The following PHF19 variants were observed in gnomAD, a reference collection of about 807,000 sequenced individuals.
The protein encoded by PHF19 is polycomb like 3.
A neutral mutation model predicts 79.8 loss-of-function variants in PHF19; 21 were observed. That is an observed-to-expected ratio of 0.26 (90% CI 0.19 to 0.38). The LOEUF (loss-of-function observed/expected upper bound fraction) is 0.38. Among genes scored for constraint, PHF19 ranks in the 10% least tolerant of loss-of-function variants. The probability of loss-of-function intolerance (pLI) is 1.00; values close to 1 mark genes in which losing one functional copy is unlikely to be tolerated. For missense variants in PHF19, 445 were observed against 744.2 expected (o/e 0.60, Z 4.68); for synonymous variants, 273 against 296.3 (o/e 0.92, Z 0.81).
At position 120,857,165 on chromosome 9, in the gene PHF19, G is replaced by C. The variant is rs559315528; in HGVS notation, c.*779C>G. The C allele has an allele frequency of 1.4e-5, 2 of 141,216 alleles. No homozygotes were observed. The highest frequency in any genetic ancestry group is 7.6e-5 in the Admixed American group (1 of 13,238). The allele number at this position is 141,216 out of a possible 1,614,324, so 8.7% of individuals were successfully genotyped here. A position where few individuals can be genotyped will look rare whatever the true frequency, so the allele number is the denominator to read the frequency against. Reference sequence around the variant, plus strand: ...CCACCCCCGTCCCCCAGGTTTGGAAGGATGCCTCCATTCCAGCAAGGCCAG... The same window carrying C: ...CCACCCCCGTCCCCCAGGTTTGGAACGATGCCTCCATTCCAGCAAGGCCAG... On this transcript the variant is annotated 3_prime_UTR_variant, in exon 15 of 15. Coordinates refer to ENST00000373896, the MANE Select transcript of PHF19 (RefSeq NM_015651.3).
At chr9:120,875,430 CTCT>C (rs2046018710) in intron 1 of PHF19, among the ~76,000 whole-genome samples, 1 of 152,194 alleles carries the variant, frequency 6.6e-6, no homozygotes, top group Non-Finnish European at 1.5e-5. Flanking sequence ...CCACGCCTGT[CTCT>C]CACCATCCTA....
chr9:120,879,993 T>C (rs1234394316), upstream of PHF19, among the ~76,000 whole-genome samples: 2 of 149,244 alleles, frequency 1.3e-5, no homozygotes, highest in African/African-American at 4.9e-5. Flanking sequence ...GAGTCGAGTC[T>C]GTCAATATAG....
At chr9:120,864,376 G>A (rs2045632301) in intron 9 of PHF19, among the ~76,000 whole-genome samples, 1 of 152,078 alleles carries the variant, frequency 6.6e-6, no homozygotes, top group African/African-American at 2.4e-5. Context: ...GCTACTCCAT[G>A]GAATCTATCA....
Position 120,865,843 on chromosome 9 carries a change from G to A in PHF19, c.780-13C>T. On this transcript the variant is annotated splice_polypyrimidine_tract_variant and intron_variant, in intron 8 of 14. Coordinates refer to ENST00000373896, the MANE Select transcript of PHF19 (RefSeq NM_015651.3). ...AACCACATCCACCCTGGGCAAGGGG[G>A]CAAGGAGGTGGGACCAGGTGAGGTG... 1 of 1,614,076 alleles carries A rather than the reference G, an allele frequency of 6.2e-7. No individual in the cohort carries two copies. The highest frequency in any genetic ancestry group is 1.3e-5 in the African/African-American group (1 of 75,026).
intron 3 of PHF19, among the ~76,000 whole-genome samples, chr9:120,871,338 A>G (rs1180907369): frequency 1.3e-5 from 2 of 152,186 alleles, no homozygotes; most frequent in African/African-American, 4.8e-5. Flanking sequence ...GTTTTTCCAT[A>G]AATATTTCAG....
upstream of PHF19, among the ~76,000 whole-genome samples, chr9:120,879,048 T>C (rs2131579265): frequency 9.9e-6 from 1 of 101,074 alleles, no homozygotes; most frequent in South Asian, 4.6e-4. Context: ...AGCCTGAGTG[T>C]GTCACTTCTT....
chr9:120,885,582 A>C (rs1389559267), intron 1 of PHF19, among the ~76,000 whole-genome samples: 2 of 15,630 alleles, frequency 1.3e-4, no homozygotes, highest in Non-Finnish European at 2.3e-4. Flanking sequence ...TATCTTGGAA[A>C]AAAAAAAAAA....
At chr9:120,873,015 C>G (rs2131554869) in intron 3 of PHF19, among the ~76,000 whole-genome samples, 1 of 152,310 alleles carries the variant, frequency 6.6e-6, no homozygotes. Flanking sequence ...CCCAACCACC[C>G]TATGAAGCCA....
chr9:120,892,546 A>G (rs761191614), intron 1 of PHF19, among the ~76,000 whole-genome samples: 4 of 152,144 alleles, frequency 2.6e-5, no homozygotes, highest in Non-Finnish European at 5.9e-5. Flanking sequence ...TCTTATGGAC[A>G]CTGAATTGCG....
intron 1 of PHF19, among the ~76,000 whole-genome samples, chr9:120,892,820 A>C (rs2131600638): frequency 6.6e-6 from 1 of 152,374 alleles, no homozygotes; most frequent in East Asian, 1.9e-4. Flanking sequence ...AGTGCTGAAA[A>C]AAAGGGTTAT....
At position 120,862,434 on chromosome 9, in the gene PHF19, GGGGATCT is replaced by G. The variant is rs1331075394; in HGVS notation, c.1130+147_1130+153del. Among the ~76,000 whole-genome samples the G allele has an allele frequency of 2.6e-5, 4 of 152,210 alleles. No individual in the cohort carries two copies. Among genetic ancestry groups the G allele is most frequent in the African/African-American group, 9.6e-5 (4 of 41,452 alleles). The stretch of plus-strand genomic sequence containing the variant: ...GGGGGCTGTGGTGGTGAAAGGAGTT[GGGGATCT>G]GGGATCTGGGATCCCGCTCAGCCAC... On this transcript the variant is annotated intron_variant, in intron 11 of 14. Coordinates refer to ENST00000373896, the MANE Select transcript of PHF19 (RefSeq NM_015651.3). This position sits in a 1 kb window ranked among gnomAD's most constrained non-coding sequence, Gnocchi z 4.6.
chr9:120,900,283 G>A, the PHF19 span, among the ~76,000 whole-genome samples: 12 of 152,212 alleles, frequency 7.9e-5, no homozygotes, highest in African/African-American at 2.9e-4. Context: ...CACCGCACCC[G>A]GCCTTGACTT....
chr9:120,882,457 C>G (rs2046200317), intron 1 of PHF19, among the ~76,000 whole-genome samples: 1 of 152,140 alleles, frequency 6.6e-6, no homozygotes, highest in Non-Finnish European at 1.5e-5. Context: ...ATGACAAATT[C>G]ACTTACTTAA....
intron 3 of PHF19, among the ~76,000 whole-genome samples, chr9:120,871,043 C>G (rs902573252): frequency 2.0e-5 from 3 of 152,202 alleles, no homozygotes; most frequent in Non-Finnish European, 4.4e-5. Flanking sequence ...GCTGAGATTG[C>G]AGGTGCATGC....
upstream of PHF19, among the ~76,000 whole-genome samples, chr9:120,878,574 C>A (rs775669474): frequency 1.3e-5 from 2 of 152,210 alleles, no homozygotes; most frequent in Non-Finnish European, 2.9e-5. Context: ...CCCTCTGCCT[C>A]CTGGCCTTGG....
intron 3 of PHF19, among the ~76,000 whole-genome samples, chr9:120,872,059 A>AAAAAAAAAAG (rs1175336454): frequency 6.7e-6 from 1 of 149,014 alleles, no homozygotes. Context: ...AAAAAAAAAA[A>AAAAAAAAAAG]AAAAAAAAAG....
In PHF19 at chr9:120,873,959, G is replaced by A. The variant is rs753541105; in HGVS notation, c.268+20C>T. The A allele has an allele frequency of 2.5e-5, 34 of 1,385,414 alleles. No homozygotes were observed. Among genetic ancestry groups the A allele is most frequent in the Non-Finnish European group, 3.3e-5 (32 of 974,186 alleles). The allele number at this position is 1,385,414 out of a possible 1,614,324, so 85.8% of individuals were successfully genotyped here. A position where few individuals can be genotyped will look rare whatever the true frequency, so the allele number is the denominator to read the frequency against. ...GACCTGGGGAGGTTGGGGGCTACCC[G>A]AAATGTTAGGAAAACTCACCATGCT... On this transcript the variant is annotated intron_variant, in intron 3 of 14. Coordinates refer to ENST00000373896, the MANE Select transcript of PHF19 (RefSeq NM_015651.3).
In PHF19 at chr9:120,873,166, A is replaced by G. The variant is rs564453521; in HGVS notation, c.268+813T>C. Among the ~76,000 whole-genome samples the G allele has an allele frequency of 3.3e-5, 5 of 152,330 alleles. No homozygotes were observed. In the East Asian group the frequency reaches 9.6e-4, roughly 29 times the overall value. On this transcript the variant is annotated intron_variant, in intron 3 of 14. Coordinates refer to ENST00000373896, the MANE Select transcript of PHF19 (RefSeq NM_015651.3). Reference sequence around the variant, plus strand: ...CCTAAAATCTGCTTCTTACCCTGCTAGGGGCCATGTCTCTTCTCCTGTTAG... The same window carrying G: ...CCTAAAATCTGCTTCTTACCCTGCTGGGGGCCATGTCTCTTCTCCTGTTAG...
upstream of PHF19, among the ~76,000 whole-genome samples, chr9:120,898,422 A>G (rs2046418525): frequency 1.3e-5 from 2 of 152,196 alleles, no homozygotes; most frequent in South Asian, 4.1e-4. Flanking sequence ...CGGCCCTGAG[A>G]TTGTTTTTTC....
Sources: gnomAD v4.1 joint callset for allele counts (sites outside exome capture counted in the v4.1 genomes callset) on GRCh38, gnomAD v4.1.1 for gene constraint, Gnocchi (gnomAD v3.1) non-coding constraint, MANE v1.5 for transcripts, NCBI Gene and HGNC (gene_info 2026-07-23, HGNC 2026-07-21) for gene names.